CDC14A: variants seen among roughly 807,000 people sequenced by gnomAD.
CDC14A encodes the protein cell division cycle 14A, also known as dual specificity protein phosphatase CDC14A.
CDC14A carries 53 observed loss-of-function variants against 74.4 expected under a neutral mutation model. That is an observed-to-expected ratio of 0.71 (90% CI 0.57 to 0.89). CDC14A has a LOEUF of 0.89. Ranked by LOEUF, CDC14A falls within the 40% of genes least tolerant of loss-of-function variation. The pLI is 0.00. For synonymous variants in CDC14A, 247 were observed against 258.4 expected (o/e 0.96, Z 0.43); for missense variants, 646 against 713.7 (o/e 0.91, Z 1.08).
chr1:100,387,847 A>G (rs943271463), intron 3 of CDC14A, among the ~76,000 whole-genome samples: 1 of 152,192 alleles, frequency 6.6e-6, no homozygotes, highest in Admixed American at 6.5e-5. Context: ...AGTAAACACA[A>G]AAGATTCTAC....
At chr1:100,485,418 C>G (rs901039686) in intron 11 of CDC14A, 11 of 609,946 alleles carry the variant, frequency 1.8e-5, no homozygotes, top group Non-Finnish European at 2.1e-5. Context: ...GTGGAACAAG[C>G]TAGGCAGCGT....
intron 5 of CDC14A, among the ~76,000 whole-genome samples, chr1:100,428,052 T>C (rs888836116): frequency 6.6e-6 from 1 of 152,218 alleles, no homozygotes; most frequent in African/African-American, 2.4e-5. Context: ...GTAGTATATA[T>C]AATACGAAGT....
chr1:100,424,779 G>C (rs1325428836), intron 5 of CDC14A, among the ~76,000 whole-genome samples: 1 of 152,148 alleles, frequency 6.6e-6, no homozygotes, highest in Non-Finnish European at 1.5e-5. Flanking sequence ...AATCTGACTG[G>C]CATCCCCAGG....
intron 11 of CDC14A, chr1:100,485,436 G>A (rs1557813991): frequency 4.5e-6 from 2 of 445,240 alleles, no homozygotes; most frequent in Non-Finnish European, 5.9e-6. Context: ...CGTGATGTGT[G>A]CCTGTGTGGT....
chr1:100,492,656 C>T (rs889437202), intron 11 of CDC14A, among the ~76,000 whole-genome samples: 1 of 152,152 alleles, frequency 6.6e-6, no homozygotes, highest in African/African-American at 2.4e-5. Context: ...GTGTCCTAGA[C>T]TTAATTGCCT....
chr1:100,480,471 CTATT>C (rs1263022096), intron 10 of CDC14A, among the ~76,000 whole-genome samples: 44 of 152,112 alleles, frequency 2.9e-4, no homozygotes, highest in Non-Finnish European at 5.6e-4. Context: ...ACACAAGTAT[CTATT>C]TGAATCCCTA....
chr1:100,432,800 C>CA (rs1416321361), intron 5 of CDC14A, among the ~76,000 whole-genome samples: 2 of 152,104 alleles, frequency 1.3e-5, no homozygotes, highest in Admixed American at 1.3e-4. Flanking sequence ...TTGAGGATGG[C>CA]ATTATATTTC....
chr1:100,477,734 A>G (rs1299196279), intron 10 of CDC14A, among the ~76,000 whole-genome samples: 1 of 152,194 alleles, frequency 6.6e-6, no homozygotes, highest in Non-Finnish European at 1.5e-5. Context: ...ATAAGAGGGT[A>G]AAAACGTTTT....
At chr1:100,382,651 CT>C (rs1165873074) in intron 3 of CDC14A, among the ~76,000 whole-genome samples, 15 of 151,588 alleles carry the variant, frequency 9.9e-5, no homozygotes, top group Non-Finnish European at 2.1e-4. Context: ...AGTGGTTTTT[CT>C]TTTTTTTAAT....
chr1:100,510,388 AACCTC>A (rs2101475054), intron 15 of CDC14A, among the ~76,000 whole-genome samples: 1 of 152,318 alleles, frequency 6.6e-6, no homozygotes, highest in South Asian at 2.1e-4. Context: ...AAACTTTCTT[AACCTC>A]AGTTATCTTT....
chr1:100,514,036 C>T (rs949708829), intron 15 of CDC14A, among the ~76,000 whole-genome samples: 1 of 152,044 alleles, frequency 6.6e-6, no homozygotes, highest in African/African-American at 2.4e-5. Context: ...TTGATCTGGT[C>T]CTAACTCACT....
intron 4 of CDC14A, among the ~76,000 whole-genome samples, chr1:100,398,952 T>C (rs1458669234): frequency 6.6e-6 from 1 of 152,092 alleles, no homozygotes; most frequent in Admixed American, 6.5e-5. Context: ...TTTCTGGTGG[T>C]AGGGGAGTGA....
chr1:100,350,432 TTTA>T (rs1650853433), upstream of CDC14A, among the ~76,000 whole-genome samples: 1 of 152,238 alleles, frequency 6.6e-6, no homozygotes, highest in Non-Finnish European at 1.5e-5. Flanking sequence ...CTTACAGAGT[TTTA>T]TTATCTTTGT....
intron 1 of CDC14A, chr1:100,345,255 T>C (rs1463398450): frequency 6.6e-6 from 1 of 152,212 alleles, no homozygotes; most frequent in Non-Finnish European, 1.5e-5. Context: ...CAAATAGTCG[T>C]ATTCATTTGA....
rs1447223388 is a variant in CDC14A at position 100,508,584 on chromosome 1, G to C, written c.1755+9322G>C. On this transcript the variant is annotated intron_variant, in intron 15 of 15. Coordinates refer to ENST00000336454, the MANE Select transcript of CDC14A (RefSeq NM_003672.4). The surrounding 1 kb of genome is among the most constrained non-coding windows in gnomAD (Gnocchi z 4.4). ...ATCTAGGCCTTTCAGTCTAGAAACA[G>C]ACCTTAATGACCCAGGCTTCCATCT... Among the ~76,000 whole-genome samples, 1 of 152,110 alleles carries C rather than the reference G, an allele frequency of 6.6e-6. No individual in the cohort carries two copies. Among genetic ancestry groups the C allele is most frequent in the Non-Finnish European group, 1.5e-5 (1 of 68,018 alleles).
At chr1:100,470,832 T>C (rs1668322559) in intron 10 of CDC14A, among the ~76,000 whole-genome samples, 1 of 152,130 alleles carries the variant, frequency 6.6e-6, no homozygotes, top group Non-Finnish European at 1.5e-5. Flanking sequence ...CAACTGGAAC[T>C]CTCATGTGTT....
At chr1:100,459,126 C>CACACACACACACACACACACACACAGAG (rs1279905046) in intron 8 of CDC14A, among the ~76,000 whole-genome samples, 2 of 144,570 alleles carry the variant, frequency 1.4e-5, no homozygotes, top group African/African-American at 5.2e-5. Context: ...CACACACACA[C>CACACACACACACACACACACACACAGAG]AGAGAGAGAG....
chr1:100,467,403 G>A (rs1442160565), intron 9 of CDC14A, among the ~76,000 whole-genome samples: 3 of 150,524 alleles, frequency 2.0e-5, no homozygotes, highest in Non-Finnish European at 3.0e-5. Context: ...TTTTACACAC[G>A]CGCGCACACA....
At chr1:100,448,614 T>C (rs1571218088) in intron 7 of CDC14A, among the ~76,000 whole-genome samples, 1 of 152,228 alleles carries the variant, frequency 6.6e-6, no homozygotes, top group African/African-American at 2.4e-5. Context: ...CTCTGGCTGC[T>C]CCAGTCTGCC....
Sources: allele counts gnomAD v4.1 joint callset (sites outside exome capture counted in the v4.1 genomes callset), GRCh38; gene constraint gnomAD v4.1.1; non-coding constraint Gnocchi (gnomAD v3.1); transcripts MANE v1.5; gene names NCBI Gene and HGNC (gene_info 2026-07-23, HGNC 2026-07-21).